RSRC1: variants seen among roughly 807,000 people sequenced by gnomAD.
RSRC1 encodes the protein serine/Arginine-related protein 53.
RSRC1 carries 39 observed loss-of-function variants against 49.1 expected under a neutral mutation model. The ratio of observed to expected loss-of-function variants is 0.79; its 90% CI spans 0.61 to 1.04. RSRC1 has a LOEUF of 1.04. Ranked by LOEUF, RSRC1 falls within the 50% of genes least tolerant of loss-of-function variation. The pLI, the probability that RSRC1 is intolerant of heterozygous loss-of-function variation, is 0.00. For missense variants in RSRC1, 388 were observed against 402.4 expected, an observed-to-expected ratio of 0.96 and a Z score of 0.31; for synonymous variants, 143 against 130.8, an observed-to-expected ratio of 1.09 and a Z score of -0.63.
chr3:158,356,164 G>A (rs1339977485), intron 6 of RSRC1, among the ~76,000 whole-genome samples: 2 of 151,854 alleles, frequency 1.3e-5, no homozygotes, highest in African/African-American at 2.4e-5. Context: ...GATGATGGGG[G>A]ACTACTGTAT....
At chr3:158,211,118 T>G (rs1158998640) in intron 4 of RSRC1, among the ~76,000 whole-genome samples, 2 of 151,962 alleles carry the variant, frequency 1.3e-5, no homozygotes. Flanking sequence ...TATAAAAAAT[T>G]TAGTGGACCC....
At chr3:158,246,591 C>T (rs899401012) in intron 4 of RSRC1, among the ~76,000 whole-genome samples, 2 of 152,122 alleles carry the variant, frequency 1.3e-5, no homozygotes, top group Non-Finnish European at 2.9e-5. Context: ...AATGAATTCT[C>T]TCAGCATTTG....
intron 5 of RSRC1, among the ~76,000 whole-genome samples, chr3:158,350,071 A>G (rs1044450015): frequency 3.2e-4 from 48 of 151,544 alleles, no homozygotes; most frequent in Non-Finnish European, 6.8e-4. Flanking sequence ...TATATTCTCT[A>G]TAATTCTATT....
intron 5 of RSRC1, chr3:158,303,233 T>C (rs1034062365): frequency 3.9e-5 from 6 of 152,198 alleles, no homozygotes; most frequent in African/African-American, 1.2e-4. Flanking sequence ...GATCAGAAAA[T>C]ATTAAGTCGA....
chr3:158,351,781 T>A (rs1730888312), intron 5 of RSRC1, among the ~76,000 whole-genome samples: 1 of 151,368 alleles, frequency 6.6e-6, no homozygotes, highest in Non-Finnish European at 1.5e-5. Context: ...TTCCTGGTTT[T>A]CTTTGTCTTT....
At chr3:158,155,465 C>T (rs979709864) in intron 3 of RSRC1, among the ~76,000 whole-genome samples, 4 of 152,044 alleles carry the variant, frequency 2.6e-5, no homozygotes, top group African/African-American at 9.7e-5. Flanking sequence ...GACAGGGTCT[C>T]ACTTTGTCAC....
At chr3:158,392,494 A>G (rs925118656) in intron 6 of RSRC1, among the ~76,000 whole-genome samples, 4 of 152,096 alleles carry the variant, frequency 2.6e-5, no homozygotes, top group Non-Finnish European at 5.9e-5. Flanking sequence ...CAGTTGAAAT[A>G]TTTAATATTT....
intron 6 of RSRC1, among the ~76,000 whole-genome samples, chr3:158,439,018 C>CT (rs1736220256): frequency 6.6e-6 from 1 of 152,164 alleles, no homozygotes; most frequent in Admixed American, 6.5e-5. Context: ...TGAAGAGGCA[C>CT]TTCTCAAAAG....
intron 3 of RSRC1, among the ~76,000 whole-genome samples, chr3:158,186,297 T>A (rs1349620745): frequency 6.6e-6 from 1 of 152,030 alleles, no homozygotes; most frequent in Non-Finnish European, 1.5e-5. Flanking sequence ...AGAATACATA[T>A]GGCCCTTGTG....
intron 6 of RSRC1, among the ~76,000 whole-genome samples, chr3:158,383,115 G>A (rs1283983109): frequency 6.6e-6 from 1 of 152,096 alleles, no homozygotes; most frequent in Non-Finnish European, 1.5e-5. Context: ...GGACAAAAGA[G>A]CTAAAAAAAC....
intron 3 of RSRC1, among the ~76,000 whole-genome samples, chr3:158,177,757 C>G (rs913048674): frequency 6.6e-6 from 1 of 152,106 alleles, no homozygotes; most frequent in South Asian, 2.1e-4. Flanking sequence ...CAAACCTGCA[C>G]TCTGCACATG....
chr3:158,304,397 G>A (rs1192071802), intron 5 of RSRC1, among the ~76,000 whole-genome samples: 1 of 152,036 alleles, frequency 6.6e-6, no homozygotes, highest in Non-Finnish European at 1.5e-5. Context: ...CACAGTTAAT[G>A]GATCATTATC....
chr3:158,306,481 T>A (rs1033810170), intron 5 of RSRC1, among the ~76,000 whole-genome samples: 1 of 151,922 alleles, frequency 6.6e-6, no homozygotes, highest in Non-Finnish European at 1.5e-5. Flanking sequence ...GCACGTAATT[T>A]GTCTTTTATG....
intron 4 of RSRC1, among the ~76,000 whole-genome samples, chr3:158,286,182 C>T (rs1163211476): frequency 6.6e-6 from 1 of 152,102 alleles, no homozygotes; most frequent in Non-Finnish European, 1.5e-5. Flanking sequence ...AATCATGTTT[C>T]CAATTAAGGA....
chr3:158,327,150 G>A (rs1212503961), intron 5 of RSRC1, among the ~76,000 whole-genome samples: 1 of 152,132 alleles, frequency 6.6e-6, no homozygotes, highest in Non-Finnish European at 1.5e-5. Context: ...CTTGCTAGCG[G>A]TCTATCAATT....
intron 7 of RSRC1, among the ~76,000 whole-genome samples, chr3:158,490,501 T>A (rs1169154870): frequency 2.0e-5 from 3 of 152,214 alleles, no homozygotes; most frequent in East Asian, 3.8e-4. Context: ...ATAAAAGTAG[T>A]ATGTAGTGAT....
intron 1 of RSRC1, among the ~76,000 whole-genome samples, chr3:158,120,723 G>GAA (rs1715198307): frequency 6.8e-6 from 1 of 147,294 alleles, no homozygotes; most frequent in African/African-American, 2.5e-5. Flanking sequence ...AAAAGTCATG[G>GAA]TAAAAACTGC....
chr3:158,219,619 G>A (rs1722126029), intron 4 of RSRC1, among the ~76,000 whole-genome samples: 1 of 151,704 alleles, frequency 6.6e-6, no homozygotes, highest in African/African-American at 2.4e-5. Context: ...ATAAGAGGAG[G>A]TGCCACAGGA....
intron 5 of RSRC1, among the ~76,000 whole-genome samples, chr3:158,333,560 G>A (rs556457821): frequency 6.6e-6 from 1 of 152,224 alleles, no homozygotes; most frequent in Non-Finnish European, 1.5e-5. Context: ...CAGACAGCTC[G>A]ATATTTAATA....
Sources: gnomAD v4.1 joint callset for allele counts (sites outside exome capture counted in the v4.1 genomes callset) on GRCh38, gnomAD v4.1.1 for gene constraint, MANE v1.5 for transcripts, NCBI Gene and HGNC (gene_info 2026-07-23, HGNC 2026-07-21) for gene names.